The following DLG2 variants were observed in gnomAD, a reference collection of about 807,000 sequenced individuals.
DLG2 encodes the protein disks large homolog 2.
A neutral mutation model predicts 132.5 loss-of-function variants in DLG2; 45 were observed. The ratio of observed to expected loss-of-function variants is 0.34; its 90% CI spans 0.27 to 0.44. The LOEUF (loss-of-function observed/expected upper bound fraction) is 0.44, where lower values mean the gene tolerates loss of function less well. Among genes scored for constraint, DLG2 ranks in the 20% least tolerant of loss-of-function variants. The pLI, the probability that DLG2 is intolerant of heterozygous loss-of-function variation, is 1.00. For synonymous variants in DLG2, 424 were observed against 419.6 expected (o/e 1.01, Z -0.13); for missense variants, 1,045 against 1,196.9 (o/e 0.87, Z 1.87).
chr11:83,828,396 T>A (rs953927719), intron 17 of DLG2, among the ~76,000 whole-genome samples: 1 of 152,128 alleles, frequency 6.6e-6, no homozygotes, highest in African/African-American at 2.4e-5. Context: ...CCGTCACAAA[T>A]AATAATAACA....
chr11:85,588,547 A>G lies in DLG2; in HGVS notation c.40+10110T>C, dbSNP rs533334878. Among the ~76,000 whole-genome samples the G allele has an allele frequency of 7.2e-5, 11 of 152,116 alleles. No homozygotes were observed. The South Asian group carries it at 1.0e-3, about 14-fold the overall frequency. On this transcript the variant is annotated intron_variant, in intron 3 of 27. Coordinates refer to ENST00000376104, the MANE Select transcript of DLG2 (RefSeq NM_001142699.3). ...AAGTTGTGATTGTTTTTTCTTTACAATATCTATTTCTCTGTAGCATTTTTC... is the reference window on the plus strand; with the variant it reads ...AAGTTGTGATTGTTTTTTCTTTACAGTATCTATTTCTCTGTAGCATTTTTC...
chr11:84,313,107 C>A (rs906230818), intron 7 of DLG2, among the ~76,000 whole-genome samples: 1 of 151,744 alleles, frequency 6.6e-6, no homozygotes, highest in East Asian at 1.9e-4. Context: ...CTGCACCTGG[C>A]CAATTTTTTT....
intron 22 of DLG2, among the ~76,000 whole-genome samples, chr11:83,473,109 A>G (rs2092265735): frequency 6.6e-6 from 1 of 152,146 alleles, no homozygotes; most frequent in Non-Finnish European, 1.5e-5. Flanking sequence ...CATTTAGTTC[A>G]AGGAAAGGGT....
At chr11:83,753,091 C>T (rs138780685) in intron 18 of DLG2, among the ~76,000 whole-genome samples, 150 of 152,194 alleles carry the variant, frequency 9.9e-4, no homozygotes, top group Admixed American at 2.3e-3. Context: ...AATATTTTGA[C>T]CAAGGTTATT....
At chr11:85,159,131 G>A (rs1437505523) in intron 4 of DLG2, among the ~76,000 whole-genome samples, 1 of 152,108 alleles carries the variant, frequency 6.6e-6, no homozygotes, top group Admixed American at 6.6e-5. Context: ...GACAGTTCAG[G>A]GATTACTGGA....
chr11:85,342,385 T>G (rs1224357697), intron 3 of DLG2, among the ~76,000 whole-genome samples: 1 of 152,136 alleles, frequency 6.6e-6, no homozygotes, highest in Non-Finnish European at 1.5e-5. Context: ...CTATATGAGG[T>G]CAGGATCATC....
At chr11:84,631,012 T>A (rs1195310943) in intron 6 of DLG2, among the ~76,000 whole-genome samples, 34 of 129,536 alleles carry the variant, frequency 2.6e-4, no homozygotes, top group South Asian at 2.4e-3. Flanking sequence ...TCTCTCTCTC[T>A]CTCTCTCACA....
chr11:85,284,492 G>GTA (rs929079523), intron 4 of DLG2, among the ~76,000 whole-genome samples: 2 of 151,776 alleles, frequency 1.3e-5, no homozygotes, highest in Non-Finnish European at 2.9e-5. Flanking sequence ...GTGTGTGTGG[G>GTA]TATGTACTAT....
intron 5 of DLG2, among the ~76,000 whole-genome samples, chr11:85,128,867 G>T (rs1265340485): frequency 6.6e-6 from 1 of 152,074 alleles, no homozygotes; most frequent in Non-Finnish European, 1.5e-5. Context: ...TATAAATTGT[G>T]AGTTGCTGAA....
At position 84,528,104 on chromosome 11, in the gene DLG2, C is replaced by T. The variant is rs561393931; in HGVS notation, c.519+6466G>A. Among the ~76,000 whole-genome samples the T allele has an allele frequency of 4.3e-4, 65 of 152,188 alleles. No individual in the cohort carries two copies. In the Middle Eastern group the frequency reaches 0.01, roughly 24 times the overall value. ...ATCATTTCACTGCTCTTTGTTTCCC[C>T]ATTACTTAGTGCTATAGTAGGCACT... is the stretch of plus-strand genomic sequence containing the variant. On this transcript the variant is annotated intron_variant, in intron 7 of 27. Coordinates refer to ENST00000376104, the MANE Select transcript of DLG2 (RefSeq NM_001142699.3).
At chr11:85,163,259 C>G (rs1194564266) in intron 4 of DLG2, among the ~76,000 whole-genome samples, 1 of 151,958 alleles carries the variant, frequency 6.6e-6, no homozygotes, top group Non-Finnish European at 1.5e-5. Context: ...AGTTCTGTCC[C>G]TCTAGAGAAC....
intron 4 of DLG2, among the ~76,000 whole-genome samples, chr11:85,167,443 G>A (rs1282250319): frequency 1.3e-5 from 2 of 152,112 alleles, no homozygotes; most frequent in African/African-American, 4.8e-5. Flanking sequence ...TAGCATTTGA[G>A]AAAACAGCAG....
chr11:84,150,121 T>C (rs1475872609), intron 9 of DLG2, among the ~76,000 whole-genome samples: 1 of 152,182 alleles, frequency 6.6e-6, no homozygotes, highest in East Asian at 1.9e-4. Flanking sequence ...GTGATAATAA[T>C]GGTATTGAAT....
chr11:85,593,179 C>T lies in DLG2; in HGVS notation c.40+5478G>A, dbSNP rs570718487. Among the ~76,000 whole-genome samples the T allele has an allele frequency of 4.6e-5, 7 of 152,102 alleles. No homozygotes were observed. The South Asian group carries it at 1.5e-3, about 32-fold the overall frequency. Reference sequence around the variant, plus strand: ...CAGAATGATAATGGCTCATTATAGTCGTTACAGATTAAATCAGATCCTATA... The same window carrying T: ...CAGAATGATAATGGCTCATTATAGTTGTTACAGATTAAATCAGATCCTATA... On this transcript the variant is annotated intron_variant, in intron 3 of 27. Coordinates refer to ENST00000376104, the MANE Select transcript of DLG2 (RefSeq NM_001142699.3).
rs139133753 is a variant in DLG2, at chr11:85,599,749, G to A, written c.-92-961C>T. 1.2e-4 allele frequency among the ~76,000 whole-genome samples: 18 copies of A among 152,164 alleles called. No homozygotes were observed. The South Asian group carries it at 1.5e-3, about 12-fold the overall frequency. ...GATGGTTAAAATTAATCATCATTCC[G>A]TCTTCTTCTAAACCACTTTGCCTAT... On this transcript the variant is annotated intron_variant, in intron 2 of 27. Transcript: ENST00000376104.
chr11:85,019,291 A>G (rs1260358181), intron 6 of DLG2, among the ~76,000 whole-genome samples: 1 of 152,160 alleles, frequency 6.6e-6, no homozygotes, highest in Non-Finnish European at 1.5e-5. Context: ...AGGAAGTGAA[A>G]ATGGGACTAG....
At position 84,125,429 on chromosome 11, in the gene DLG2, G is replaced by C. The variant is rs183753975; in HGVS notation, c.625-26382C>G. Among the ~76,000 whole-genome samples, 70 of 152,256 alleles carry C rather than the reference G, an allele frequency of 4.6e-4. 1 individual carries two copies. The highest frequency in any genetic ancestry group is 3.9e-3 in the Admixed American group (60 of 15,290). On this transcript the variant is annotated intron_variant, in intron 9 of 27. Transcript: ENST00000376104. ...AGTGGGCCTTCTGTGAGATTATTAT[G>C]CTGAATAAAGTGACCCTCCAAACAG...
chr11:83,476,277 T>TA (rs1428710341), intron 22 of DLG2, among the ~76,000 whole-genome samples: 1 of 152,118 alleles, frequency 6.6e-6, no homozygotes, highest in African/African-American at 2.4e-5. Context: ...TACCACACAC[T>TA]ATTACTCTCT....
At chr11:84,048,470 T>A (rs1749701878) in intron 11 of DLG2, among the ~76,000 whole-genome samples, 1 of 151,696 alleles carries the variant, frequency 6.6e-6, no homozygotes, top group Admixed American at 6.6e-5. Context: ...AAATCATTGT[T>A]CCAGCATGGC....
Sources: allele counts gnomAD v4.1 joint callset (sites outside exome capture counted in the v4.1 genomes callset), GRCh38; gene constraint gnomAD v4.1.1; transcripts MANE v1.5; gene names NCBI Gene and HGNC (gene_info 2026-07-23, HGNC 2026-07-21).